DCX: variants seen among roughly 807,000 people sequenced by gnomAD.
DCX encodes neuronal migration protein doublecortin.
DCX carries 4 observed loss-of-function variants against 20.9 expected under a neutral mutation model. The observed-to-expected ratio is 0.19, with a 90% CI of 0.09 to 0.44. The LOEUF is 0.44. DCX is among the 20% of genes least tolerant of loss of function. The probability of loss-of-function intolerance (pLI) is 0.99; values close to 1 mark genes in which losing one functional copy is unlikely to be tolerated. For synonymous variants in DCX, 103 were observed against 111.4 expected, an observed-to-expected ratio of 0.92 and a Z score of 0.47; for missense variants, 133 against 296.9, an observed-to-expected ratio of 0.45 and a Z score of 4.06.
At chrX:111,393,293 G>T (rs1927086402) in intron 3 of DCX, among the ~76,000 whole-genome samples, 1 of 111,193 alleles carries the variant, frequency 9.0e-6, no homozygotes, top group Non-Finnish European at 1.9e-5. Context: ...TCCCCCAAAA[G>T]AACCTTGACT....
chrX:111,304,253 C>A (rs1463565045), intron 6 of DCX, among the ~76,000 whole-genome samples: 1 of 111,973 alleles, frequency 8.9e-6, no homozygotes, highest in Non-Finnish European at 1.9e-5. Context: ...GTGGCATAAG[C>A]CCCTCTGAAA....
chrX:111,337,332 T>A (rs756653968), intron 3 of DCX, among the ~76,000 whole-genome samples: 65 of 109,929 alleles, frequency 5.9e-4, no homozygotes, highest in Non-Finnish European at 1.1e-3. Flanking sequence ...CAGCACAAAA[T>A]CAATAAAATC....
chrX:111,388,937 G>A (rs1926731112), intron 3 of DCX, among the ~76,000 whole-genome samples: 1 of 111,843 alleles, frequency 8.9e-6, no homozygotes, highest in Admixed American at 9.5e-5. Flanking sequence ...GGACATTTTA[G>A]CAACCAACTA....
Position 111,340,149 on chromosome X carries a change from C to A in DCX, c.706-6996G>T, listed in dbSNP as rs1922092439. On this transcript the variant is annotated intron_variant, in intron 3 of 6. Coordinates refer to ENST00000636035, the MANE Select transcript of DCX (RefSeq NM_001195553.2). Reference sequence around the variant, plus strand: ...CTCCCTGGGTCGGGGAAGGGCAGCACTCATCTCTATAGCTCCAGGCCACAC... The same window carrying A: ...CTCCCTGGGTCGGGGAAGGGCAGCAATCATCTCTATAGCTCCAGGCCACAC... 2.7e-5 allele frequency among the ~76,000 whole-genome samples: 3 copies of A among 112,721 alleles called. No homozygotes were observed. In the South Asian group the frequency reaches 1.1e-3, roughly 41 times the overall value.
At chrX:111,316,119 G>C (rs754552810) in intron 5 of DCX, among the ~76,000 whole-genome samples, 3 of 105,114 alleles carry the variant, frequency 2.9e-5, no homozygotes, top group Middle Eastern at 4.5e-3. Flanking sequence ...AATGTTAAGG[G>C]TCATCTACAA....
At chrX:111,313,688 T>A (rs2095062582) in intron 5 of DCX, among the ~76,000 whole-genome samples, 1 of 111,765 alleles carries the variant, frequency 8.9e-6, no homozygotes, top group Non-Finnish European at 1.9e-5. Flanking sequence ...CTTTTTAATA[T>A]CCAATCATGA....
chrX:111,330,563 A>T (rs1921123196), intron 5 of DCX, among the ~76,000 whole-genome samples: 1 of 111,666 alleles, frequency 9.0e-6, no homozygotes, highest in Non-Finnish European at 1.9e-5. Context: ...CTTGATTCTG[A>T]TTTTTAATTT....
chrX:111,323,602 T>TG lies in DCX; in HGVS notation c.946+7301dup, dbSNP rs1388215627. Among the ~76,000 whole-genome samples the TG allele has an allele frequency of 2.0e-3, 190 of 94,800 alleles. 3 individuals are homozygous for TG. Among genetic ancestry groups the TG allele is most frequent in the African/African-American group, 8.3e-3 (177 of 21,228 alleles). 82.3% of individuals were successfully genotyped at this position (94,800 alleles called of 115,157 possible). On this transcript the variant is annotated intron_variant, in intron 5 of 6. Transcript: ENST00000636035. ...TTCCTTAGGTGAAGCCTATTATTTCTGTTTTTTTTTTTTTTTTTTTTTTGC... is the reference window on the plus strand; with the variant it reads ...TTCCTTAGGTGAAGCCTATTATTTCTGGTTTTTTTTTTTTTTTTTTTTTTGC...
chrX:111,347,335 CAAT>C (rs1384999460), intron 3 of DCX, among the ~76,000 whole-genome samples: 1 of 111,344 alleles, frequency 9.0e-6, no homozygotes, highest in African/African-American at 3.3e-5. Context: ...AAAAACAACA[CAAT>C]GTCACCCCCC....
intron 6 of DCX, among the ~76,000 whole-genome samples, chrX:111,305,143 A>G (rs1345459199): frequency 1.8e-5 from 2 of 111,846 alleles, no homozygotes; most frequent in Non-Finnish European, 3.8e-5. Context: ...GAAACACAGA[A>G]TCCATTGCTA....
At chrX:111,309,198 G>A (rs1295806027) in intron 6 of DCX, among the ~76,000 whole-genome samples, 3 of 112,365 alleles carry the variant, frequency 2.7e-5, no homozygotes, top group Non-Finnish European at 5.6e-5. Context: ...TCCATGAACT[G>A]CTTAAAAGAA....
At chrX:111,304,837 TAGAAGGTCAGGCACAAGTTCAGGA>T in intron 6 of DCX, among the ~76,000 whole-genome samples, 1 of 111,795 alleles carries the variant, frequency 8.9e-6, no homozygotes, top group South Asian at 3.8e-4. Flanking sequence ...CCTGGGAATC[TAGAAGGTCAGGCACAAGTTCAGGA>T]CTGGGTATAT....
chrX:111,312,688 G>A lies in DCX; in HGVS notation c.995C>T (p.Ser332Phe). 1 of 1,211,841 alleles carries A rather than the reference G, an allele frequency of 8.3e-7. No individual in the cohort carries two copies. Among genetic ancestry groups the A allele is most frequent in the Non-Finnish European group, 1.1e-6 (1 of 895,587 alleles). The change falls in exon 6 of 7, where the codon TCT becomes TTT. Residue 332 changes from serine (S) to phenylalanine (F), a missense_variant. By Grantham distance (155) the Ser-to-Phe change is radical (BLOSUM62 -2). Around this residue, in one of 2 missense-constraint regions of DCX, gnomAD observed 68 missense variants for 84.3 expected, o/e 0.81. Transcript: ENST00000636035. Reference protein sequence around the residue: ...SQLSTPKSKQSPISTPTSPGS... With the variant: ...SQLSTPKSKQFPISTPTSPGS... ...AGGACTGGTGGGCGTAGAGATGGGA[G>A]ACTGCTTAGACTTGGGGGTAGAGAG...
At chrX:111,361,304 TA>T (rs1222657352) in intron 3 of DCX, among the ~76,000 whole-genome samples, 1 of 111,994 alleles carries the variant, frequency 8.9e-6, no homozygotes, top group Non-Finnish European at 1.9e-5. Flanking sequence ...TATGTGTACT[TA>T]AAAAAATAAT....
At chrX:111,396,802 G>C (rs955571721) in intron 3 of DCX, among the ~76,000 whole-genome samples, 1 of 111,368 alleles carries the variant, frequency 9.0e-6, no homozygotes, top group African/African-American at 3.3e-5. Flanking sequence ...TGTCCTCTTT[G>C]ACCTCCTAGA....
chrX:111,400,666 T>C (rs142659187), intron 3 of DCX, among the ~76,000 whole-genome samples: 285 of 112,263 alleles, frequency 2.5e-3, no homozygotes, highest in Non-Finnish European at 4.3e-3. Flanking sequence ...CAATGAAGGT[T>C]GCATCATATA....
At chrX:111,400,634 A>G (rs1421388252) in intron 3 of DCX, among the ~76,000 whole-genome samples, 1 of 112,225 alleles carries the variant, frequency 8.9e-6, no homozygotes, top group African/African-American at 3.2e-5. Context: ...GGCAAATATC[A>G]TTTTCAGTCA....
At chrX:111,337,166 A>G (rs1490784857) in intron 3 of DCX, among the ~76,000 whole-genome samples, 2 of 111,974 alleles carry the variant, frequency 1.8e-5, no homozygotes, top group African/African-American at 3.2e-5. Context: ...GAAATAGTAA[A>G]TATAATAATC....
chrX:111,327,665 G>A (rs780557348), intron 5 of DCX, among the ~76,000 whole-genome samples: 21 of 112,124 alleles, frequency 1.9e-4, no homozygotes, highest in South Asian at 1.5e-3. Context: ...AGGAAGTGGC[G>A]TAGCTGGGAC....
Sources: allele counts gnomAD v4.1 joint callset (sites outside exome capture counted in the v4.1 genomes callset), GRCh38; gene constraint gnomAD v4.1.1; regional missense constraint gnomAD v4.1.1; transcripts MANE v1.5; gene names NCBI Gene and HGNC (gene_info 2026-07-23, HGNC 2026-07-21).